PIK3C2G: variants seen among roughly 807,000 people sequenced by gnomAD.
PIK3C2G encodes phosphatidylinositol 3-kinase C2 domain-containing subunit gamma.
In PIK3C2G, 168 loss-of-function variants were observed where a neutral mutation model predicts 181.1. The observed-to-expected ratio is 0.93, with a 90% CI of 0.82 to 1.05. The LOEUF (loss-of-function observed/expected upper bound fraction) is 1.05, where lower values mean the gene tolerates loss of function less well. PIK3C2G is among the 50% of genes least tolerant of loss of function. The pLI, the probability that PIK3C2G is intolerant of heterozygous loss-of-function variation, is 0.00. For missense variants in PIK3C2G, 1,869 were observed against 1,732.8 expected (o/e 1.08, Z -1.40); for synonymous variants, 573 against 592.2 (o/e 0.97, Z 0.47).
At chr12:18,418,665 A>G (rs1945309581) in intron 16 of PIK3C2G, among the ~76,000 whole-genome samples, 1 of 152,170 alleles carries the variant, frequency 6.6e-6, no homozygotes, top group Non-Finnish European at 1.5e-5. Context: ...GGCTAGAGCC[A>G]TTAGGATAGA....
chr12:18,249,658 A>T (rs1216389933), intron 1 of PIK3C2G, among the ~76,000 whole-genome samples: 1 of 152,150 alleles, frequency 6.6e-6, no homozygotes, highest in African/African-American at 2.4e-5. Context: ...GCTTCTCCAG[A>T]TTTAGCCAAA....
intron 30 of PIK3C2G, among the ~76,000 whole-genome samples, chr12:18,605,912 G>C (rs987563491): frequency 6.6e-6 from 1 of 152,076 alleles, no homozygotes; most frequent in African/African-American, 2.4e-5. Context: ...CTATGACCTT[G>C]GACCAAGTGC....
chr12:18,289,732 T>A (rs1339847873), intron 3 of PIK3C2G, among the ~76,000 whole-genome samples: 1 of 152,194 alleles, frequency 6.6e-6, no homozygotes, highest in African/African-American at 2.4e-5. Context: ...AATGTGTATT[T>A]ACTTACCCAT....
chr12:18,341,421 C>G (rs1271702262), intron 9 of PIK3C2G, among the ~76,000 whole-genome samples: 5 of 152,040 alleles, frequency 3.3e-5, no homozygotes, highest in African/African-American at 9.7e-5. Flanking sequence ...CTCGTAATGT[C>G]TAAATATTTA....
chr12:18,630,893 T>C (rs551009417), intron 31 of PIK3C2G, among the ~76,000 whole-genome samples: 36 of 152,230 alleles, frequency 2.4e-4, no homozygotes, highest in African/African-American at 7.2e-4. Flanking sequence ...ATTGCTTATA[T>C]TGAGGATCAG....
chr12:18,482,486 C>T (rs1939658471), intron 18 of PIK3C2G, among the ~76,000 whole-genome samples: 1 of 152,030 alleles, frequency 6.6e-6, no homozygotes, highest in Non-Finnish European at 1.5e-5. Context: ...TCTGGCTCAA[C>T]CTCTACCTAT....
chr12:18,360,695 CT>C (rs1490376721), intron 11 of PIK3C2G, among the ~76,000 whole-genome samples: 1 of 152,128 alleles, frequency 6.6e-6, no homozygotes, highest in Non-Finnish European at 1.5e-5. Context: ...ATTTCTCTCC[CT>C]TCTGGCTTAC....
At chr12:18,352,985 G>A (rs1940371603) in intron 11 of PIK3C2G, among the ~76,000 whole-genome samples, 2 of 152,168 alleles carry the variant, frequency 1.3e-5, no homozygotes, top group Non-Finnish European at 2.9e-5. Flanking sequence ...TGGTGGGTGG[G>A]ACAGGCTAAA....
intron 5 of PIK3C2G, among the ~76,000 whole-genome samples, 187 bp downstream of exon 5, chr12:18,294,202 T>C (rs1016828491): frequency 5.9e-5 from 9 of 152,112 alleles, no homozygotes; most frequent in Non-Finnish European, 1.3e-4. Context: ...CTTGATTTTA[T>C]ATTATGACTA....
chr12:18,685,843 C>T, the PIK3C2G span, among the ~76,000 whole-genome samples: 3 of 43,560 alleles, frequency 6.9e-5, no homozygotes, highest in Non-Finnish European at 1.6e-4. Flanking sequence ...CACACACACA[C>T]GCGCACACAC....
chr12:18,643,044 G>A (rs1031527008), intron 32 of PIK3C2G, among the ~76,000 whole-genome samples: 1 of 151,994 alleles, frequency 6.6e-6, no homozygotes, highest in African/African-American at 2.4e-5. Context: ...TTAGGCATAA[G>A]CATTTTCAGT....
At chr12:18,652,205 T>C (rs74755754), downstream of PIK3C2G, among the ~76,000 whole-genome samples, 13,918 of 152,138 alleles carry the variant, frequency 0.091, 693 homozygotes, top group Middle Eastern at 0.19. Flanking sequence ...TTATTTAAGA[T>C]GAGGTCATAT....
chr12:18,573,364 G>T (rs1348243736), intron 29 of PIK3C2G, among the ~76,000 whole-genome samples: 1 of 152,162 alleles, frequency 6.6e-6, no homozygotes, highest in East Asian at 1.9e-4. Context: ...CAGACTCAAG[G>T]AGAGGCAGAT....
chr12:18,376,041 C>A (rs1239652480), intron 13 of PIK3C2G, among the ~76,000 whole-genome samples: 1 of 152,198 alleles, frequency 6.6e-6, no homozygotes, highest in Non-Finnish European at 1.5e-5. Context: ...AGGGGCAGAT[C>A]CCTCACAGAG....
At chr12:18,546,477 G>A (rs766059552) in intron 26 of PIK3C2G, 45 bp downstream of exon 26, 15 of 995,130 alleles carry the variant, frequency 1.5e-5, no homozygotes, top group South Asian at 6.8e-5. Context: ...ATGAATGTAC[G>A]CAGACACATG....
intron 29 of PIK3C2G, among the ~76,000 whole-genome samples, chr12:18,585,391 C>A (rs565116201): frequency 6.6e-6 from 1 of 151,620 alleles, no homozygotes; most frequent in South Asian, 2.1e-4. Flanking sequence ...GAGTTGTAAT[C>A]CTAATTTCCA....
chr12:18,359,215 T>C (rs762763794), intron 11 of PIK3C2G, among the ~76,000 whole-genome samples: 4 of 152,248 alleles, frequency 2.6e-5, no homozygotes, highest in Admixed American at 2.6e-4. Context: ...GAGTGTGTTG[T>C]TTAATTTCCA....
At chr12:18,368,043 C>T (rs1249950706) in intron 12 of PIK3C2G, among the ~76,000 whole-genome samples, 1 of 152,126 alleles carries the variant, frequency 6.6e-6, no homozygotes, top group African/African-American at 2.4e-5. Context: ...TCTAAGAACT[C>T]ACTCACTATC....
intron 13 of PIK3C2G, among the ~76,000 whole-genome samples, chr12:18,371,753 T>C (rs1942078283): frequency 6.6e-6 from 1 of 152,186 alleles, no homozygotes; most frequent in African/African-American, 2.4e-5. Context: ...GGTGATATTT[T>C]CCAGAAAACT....
Sources: gnomAD v4.1 joint callset for allele counts (sites outside exome capture counted in the v4.1 genomes callset) on GRCh38, gnomAD v4.1.1 for gene constraint, MANE v1.5 for transcripts, NCBI Gene and HGNC (gene_info 2026-07-23, HGNC 2026-07-21) for gene names.